The following LGMN variants were observed in gnomAD, a reference collection of about 807,000 sequenced individuals.
LGMN encodes legumain.
Under a neutral mutation model 56.8 loss-of-function variants are expected in LGMN, and 36 were observed. That is an observed-to-expected ratio of 0.63 (90% CI 0.49 to 0.84). LGMN has a LOEUF of 0.84. Ranked by LOEUF, LGMN falls within the 40% of genes least tolerant of loss-of-function variation. LGMN has a pLI of 0.00. For synonymous variants in LGMN, 199 were observed against 210.1 expected (o/e 0.95, Z 0.46); for missense variants, 446 against 556.1 (o/e 0.80, Z 1.99).
chr14:92,704,765 C>T (rs1889341457), intron 12 of LGMN, 58 bp from the exon 13 acceptor site: 2 of 1,412,496 alleles, frequency 1.4e-6, no homozygotes, highest in Admixed American at 1.7e-5. Context: ...CAATCCACTC[C>T]ACTTTTGCAA....
At chr14:92,742,531 C>G (rs1242102454) in intron 1 of LGMN, among the ~76,000 whole-genome samples, 1 of 152,098 alleles carries the variant, frequency 6.6e-6, no homozygotes, top group African/African-American at 2.4e-5. Flanking sequence ...AAGTGATGCA[C>G]CTGCCTTAGC....
intron 1 of LGMN, among the ~76,000 whole-genome samples, chr14:92,747,116 C>A (rs1891856991): frequency 6.6e-6 from 1 of 151,782 alleles, no homozygotes; most frequent in African/African-American, 2.4e-5. Flanking sequence ...GTGCAAAAAG[C>A]ATTGCTCTTT....
intron 2 of LGMN, among the ~76,000 whole-genome samples, chr14:92,719,140 GCCA>G (rs1324637634): frequency 4.5e-5 from 6 of 134,374 alleles, no homozygotes; most frequent in Non-Finnish European, 6.4e-5. Flanking sequence ...CACCGCCACC[GCCA>G]CCACCACCGC....
chr14:92,735,209 C>A (rs188809495), intron 1 of LGMN, among the ~76,000 whole-genome samples: 1 of 151,996 alleles, frequency 6.6e-6, no homozygotes, highest in Admixed American at 6.6e-5. Flanking sequence ...GGGCCTGAGA[C>A]TGCATTTCTT....
intron 10 of LGMN, 118 bp from the exon 11 acceptor site, chr14:92,709,990 A>AC: frequency 1.4e-6 from 1 of 730,998 alleles, no homozygotes; most frequent in Non-Finnish European, 2.2e-6. Flanking sequence ...TGCCCAACAT[A>AC]CCCCAAGTCC....
intron 2 of LGMN, among the ~76,000 whole-genome samples, chr14:92,719,317 G>GCCACCA (rs1335625679): frequency 5.2e-5 from 2 of 38,364 alleles, no homozygotes; most frequent in East Asian, 9.0e-4. Flanking sequence ...CGCCACCGCC[G>GCCACCA]CCGCCGCCAC....
At chr14:92,708,856 C>CAAAAAAAAAA (rs58813848) in intron 11 of LGMN, among the ~76,000 whole-genome samples, 6,246 of 71,244 alleles carry the variant, frequency 0.088, 832 homozygotes, top group Middle Eastern at 0.13. Context: ...ACTCTTGTCT[C>CAAAAAAAAAA]AAAAAAAAAA....
In LGMN at chr14:92,703,961, G is replaced by A. The variant is rs959502065; in HGVS notation, c.*358C>T. The A allele has an allele frequency of 3.4e-6, 2 of 589,800 alleles. No individual in the cohort carries two copies. The highest frequency in any genetic ancestry group is 4.0e-5 in the South Asian group (2 of 49,492). The allele number at this position is 589,800 out of a possible 1,614,324, so 36.5% of individuals were successfully genotyped here. On this transcript the variant is annotated 3_prime_UTR_variant, in exon 14 of 14. Coordinates refer to ENST00000334869, the MANE Select transcript of LGMN (RefSeq NM_005606.7). ...TAAAATCATTCTGAAGATTTAAAGA[G>A]GTTTCAGCTTCAAATTCTCAGAATA...
intron 1 of LGMN, among the ~76,000 whole-genome samples, chr14:92,736,350 C>T (rs1052598996): frequency 1.3e-5 from 2 of 152,228 alleles, no homozygotes; most frequent in Middle Eastern, 3.4e-3. Context: ...AATCCCAGTA[C>T]TTTGGGAGGC....
chr14:92,719,316 C>T (rs1319223618), intron 2 of LGMN, among the ~76,000 whole-genome samples: 3 of 47,022 alleles, frequency 6.4e-5, no homozygotes, highest in Non-Finnish European at 1.5e-4. Context: ...CCGCCACCGC[C>T]GCCGCCGCCA....
intron 1 of LGMN, among the ~76,000 whole-genome samples, chr14:92,740,672 T>C (rs115875126): frequency 0.015 from 2,228 of 152,352 alleles, 46 homozygotes; most frequent in African/African-American, 0.051. Flanking sequence ...CGGTGCTCTT[T>C]CGTGCCCTAC....
rs1254441407 is a variant in LGMN at position 92,712,975 on chromosome 14, T to C, written c.544-104A>G. On this transcript the variant is annotated intron_variant, in intron 7 of 13. Transcript: ENST00000334869. The stretch of plus-strand genomic sequence containing the variant: ...CTCTCTACCCATTCCTAACAAGTCC[T>C]CCAGGCTTGCTTCTGGAGACATTAC... The C allele has an allele frequency of 5.6e-5, 56 of 1,008,562 alleles. No individual in the cohort carries two copies. In the East Asian group the frequency reaches 1.4e-3, roughly 25 times the overall value. The allele number at this position is 1,008,562 out of a possible 1,614,324, so 62.5% of individuals were successfully genotyped here. A position where few individuals can be genotyped will look rare whatever the true frequency, so the allele number is the denominator to read the frequency against.
chr14:92,729,856 C>G (rs1890959788), intron 2 of LGMN, among the ~76,000 whole-genome samples: 1 of 152,224 alleles, frequency 6.6e-6, no homozygotes, highest in African/African-American at 2.4e-5. Flanking sequence ...AATCTCACCT[C>G]CACCGGCCTT....
intron 1 of LGMN, among the ~76,000 whole-genome samples, chr14:92,735,077 T>A (rs376095716): frequency 1.5e-5 from 2 of 132,154 alleles, no homozygotes; most frequent in Admixed American, 7.8e-5. Context: ...TTTCCTCCAG[T>A]AACTAAATAG....
chr14:92,714,274 C>T lies in LGMN; in HGVS notation c.480+102G>A, dbSNP rs1033755570. ...CCACCCACCACACGTACAAACCAAC[C>T]CTGGCAGGACACTAGAAAATACACG... On this transcript the variant is annotated intron_variant, in intron 6 of 13. Coordinates refer to ENST00000334869, the MANE Select transcript of LGMN (RefSeq NM_005606.7). The surrounding 1 kb of genome is among the most constrained non-coding windows in gnomAD (Gnocchi z 5.1). 3.7e-6 allele frequency: 3 copies of T among 807,582 alleles called. No individual in the cohort carries two copies. The highest frequency in any genetic ancestry group is 2.3e-5 in the Admixed American group (1 of 43,800). 50.0% of individuals were successfully genotyped at this position (807,582 alleles called of 1,614,324 possible).
intron 1 of LGMN, among the ~76,000 whole-genome samples, chr14:92,743,879 G>A (rs1891692259): frequency 6.6e-6 from 1 of 151,896 alleles, no homozygotes. Context: ...ATCTAGGCCA[G>A]GAGCAGTGGC....
intron 1 of LGMN, chr14:92,741,018 C>T (rs1891528650): frequency 6.6e-6 from 1 of 152,054 alleles, no homozygotes; most frequent in South Asian, 2.1e-4. Flanking sequence ...GAAACCCCAT[C>T]TCTACTAAAA....
intron 1 of LGMN, among the ~76,000 whole-genome samples, chr14:92,734,025 A>G (rs1891184152): frequency 6.6e-6 from 1 of 152,198 alleles, no homozygotes; most frequent in Non-Finnish European, 1.5e-5. Context: ...AATTCAGTAT[A>G]GGTTTAATAA....
intron 10 of LGMN, among the ~76,000 whole-genome samples, chr14:92,711,076 G>C (rs544674289): frequency 1.3e-5 from 2 of 152,184 alleles, no homozygotes; most frequent in Admixed American, 6.5e-5. Flanking sequence ...CATCCCAAAC[G>C]CTAGCCCCAG....
Sources: allele counts gnomAD v4.1 joint callset (sites outside exome capture counted in the v4.1 genomes callset), GRCh38; gene constraint gnomAD v4.1.1; non-coding constraint Gnocchi (gnomAD v3.1); transcripts MANE v1.5; gene names NCBI Gene and HGNC (gene_info 2026-07-23, HGNC 2026-07-21).